The following DPH6 variants were observed in gnomAD, a reference collection of about 807,000 sequenced individuals.
The protein encoded by DPH6 is diphthamine biosynthesis 6.
A neutral mutation model predicts 38.2 loss-of-function variants in DPH6; 33 were observed. The observed-to-expected ratio is 0.86, with a 90% CI of 0.65 to 1.15. The LOEUF is 1.15. Among genes scored for constraint, DPH6 ranks in the 50% most tolerant of loss-of-function variants. DPH6 has a pLI of 0.00. For missense variants in DPH6, 325 were observed against 320.0 expected (o/e 1.02, Z -0.12); for synonymous variants, 108 against 103.0 (o/e 1.05, Z -0.30).
At chr15:35,351,912 C>T (rs979960256) in intron 3 of DPH6, among the ~76,000 whole-genome samples, 2 of 151,920 alleles carry the variant, frequency 1.3e-5, no homozygotes, top group African/African-American at 2.4e-5. Context: ...TAGAGATGAG[C>T]TCTCCCTATG....
At chr15:35,529,637 C>T (rs952643519) in intron 3 of DPH6, among the ~76,000 whole-genome samples, 3 of 152,148 alleles carry the variant, frequency 2.0e-5, no homozygotes, top group Non-Finnish European at 4.4e-5. Flanking sequence ...GTATAAGTGT[C>T]TTATCCTTTC....
At chr15:35,250,370 G>A (rs1471546083) in intron 3 of DPH6, among the ~76,000 whole-genome samples, 2 of 152,104 alleles carry the variant, frequency 1.3e-5, no homozygotes, top group Non-Finnish European at 2.9e-5. Flanking sequence ...AAATGTCCCT[G>A]CCACAACGTG....
exon 4 of DPH6, chr15:35,218,423 T>A (rs2051422509): frequency 6.6e-6 from 1 of 152,164 alleles, no homozygotes. Flanking sequence ...GACTTGACAG[T>A]CAAATAACTA....
At chr15:35,478,126 A>G (rs552016077) in intron 3 of DPH6, among the ~76,000 whole-genome samples, 1 of 152,068 alleles carries the variant, frequency 6.6e-6, no homozygotes, top group East Asian at 1.9e-4. Flanking sequence ...TAACTCAAAG[A>G]AACAGCAGCC....
chr15:35,402,136 T>C (rs2053228666), intron 6 of DPH6, among the ~76,000 whole-genome samples: 1 of 152,232 alleles, frequency 6.6e-6, no homozygotes, highest in Non-Finnish European at 1.5e-5. Context: ...TAGTCTACTC[T>C]GAAGCCATCT....
Position 35,222,322 on chromosome 15 carries a change from A to C in DPH6, n.201-1740T>G, listed in dbSNP as rs139420384. 1.7e-4 allele frequency among the ~76,000 whole-genome samples: 26 copies of C among 152,306 alleles called. No individual in the cohort carries two copies. In the East Asian group the frequency reaches 5.0e-3, roughly 29 times the overall value. On this transcript the variant is annotated intron_variant and non_coding_transcript_variant, in intron 3 of 3. Transcript: ENST00000560386. ...CTTCCATAATTTGTTATGTGAACCA[A>C]AAGTATTTGAGACAGGTTTCAATCA...
At chr15:35,226,405 G>C (rs1171922814) in intron 3 of DPH6, among the ~76,000 whole-genome samples, 1 of 151,968 alleles carries the variant, frequency 6.6e-6, no homozygotes, top group Admixed American at 6.6e-5. Flanking sequence ...ATTTGGGAGT[G>C]GTAATAGAGG....
At chr15:35,234,240 A>G (rs2051537410) in intron 3 of DPH6, among the ~76,000 whole-genome samples, 1 of 152,210 alleles carries the variant, frequency 6.6e-6, no homozygotes, top group Admixed American at 6.5e-5. Context: ...AATTTAAAAA[A>G]CTGCATTTAA....
intron 5 of DPH6, among the ~76,000 whole-genome samples, chr15:35,438,749 G>A (rs944416403): frequency 2.0e-5 from 3 of 152,220 alleles, no homozygotes; most frequent in African/African-American, 7.2e-5. Context: ...GATAAAAAGT[G>A]TGGTGCCCCT....
intron 3 of DPH6, among the ~76,000 whole-genome samples, chr15:35,265,383 C>A (rs2051776801): frequency 6.6e-6 from 1 of 152,188 alleles, no homozygotes; most frequent in South Asian, 2.1e-4. Context: ...TTGAAGGCAT[C>A]CACAATATTC....
the DPH6 span, among the ~76,000 whole-genome samples, chr15:35,156,769 A>G: frequency 0.76 from 115,894 of 152,084 alleles, 44,480 homozygotes; most frequent in Middle Eastern, 0.83. Flanking sequence ...AGTGGGCCAC[A>G]AATAGAGAAA....
At chr15:35,311,596 C>G (rs1259032202) in intron 3 of DPH6, among the ~76,000 whole-genome samples, 4 of 152,048 alleles carry the variant, frequency 2.6e-5, no homozygotes, top group Admixed American at 1.3e-4. Context: ...AAAAGACATA[C>G]ACACAGAGAG....
At chr15:35,518,583 G>T (rs2054879442) in intron 3 of DPH6, among the ~76,000 whole-genome samples, 1 of 151,924 alleles carries the variant, frequency 6.6e-6, no homozygotes, top group Non-Finnish European at 1.5e-5. Context: ...TCCAAAGACA[G>T]CTTATTTTAA....
chr15:35,300,805 A>G (rs2052049486), intron 3 of DPH6, among the ~76,000 whole-genome samples: 1 of 152,176 alleles, frequency 6.6e-6, no homozygotes, highest in African/African-American at 2.4e-5. Flanking sequence ...CCCCTTGGTC[A>G]TGATCTTCTG....
At chr15:35,436,504 C>CAAAA (rs371533654) in intron 5 of DPH6, among the ~76,000 whole-genome samples, 3 of 108,214 alleles carry the variant, frequency 2.8e-5, no homozygotes, top group Admixed American at 8.9e-5. Flanking sequence ...CAAAACAAAA[C>CAAAA]AAAACAAAAC....
chr15:35,216,936 G>T (rs2051413796), downstream of DPH6, among the ~76,000 whole-genome samples: 1 of 152,188 alleles, frequency 6.6e-6, no homozygotes, highest in African/African-American at 2.4e-5. Flanking sequence ...GGGGAGGACA[G>T]AATGTAAAGG....
intron 3 of DPH6, among the ~76,000 whole-genome samples, chr15:35,294,351 C>T (rs1747107233): frequency 2.0e-5 from 3 of 152,154 alleles, no homozygotes; most frequent in Admixed American, 2.0e-4. Flanking sequence ...ATCTCATATC[C>T]CTCTGGCGAT....
intron 1 of DPH6, among the ~76,000 whole-genome samples, chr15:35,545,906 A>G (rs2055343304): frequency 6.6e-6 from 1 of 152,098 alleles, no homozygotes; most frequent in African/African-American, 2.4e-5. Context: ...AAGACCAGAG[A>G]GCGACAGACA....
At chr15:35,335,353 T>C (rs2052362088) in intron 3 of DPH6, among the ~76,000 whole-genome samples, 1 of 152,078 alleles carries the variant, frequency 6.6e-6, no homozygotes, top group South Asian at 2.1e-4. Context: ...TCTGTTTACT[T>C]TGTTGATAGT....
Sources: gnomAD v4.1 joint callset for allele counts (sites outside exome capture counted in the v4.1 genomes callset) on GRCh38, gnomAD v4.1.1 for gene constraint, MANE v1.5 for transcripts, NCBI Gene and HGNC (gene_info 2026-07-23, HGNC 2026-07-21) for gene names.